PPIP5K1: variants seen among roughly 807,000 people sequenced by gnomAD.
PPIP5K1 encodes diphosphoinositol pentakisphosphate kinase 1, also known as inositol hexakisphosphate and diphosphoinositol-pentakisphosphate kinase 1.
Under a neutral mutation model 27.7 loss-of-function variants are expected in PPIP5K1, and 6 were observed. That is an observed-to-expected ratio of 0.22 (90% CI 0.12 to 0.43). The LOEUF is 0.43. PPIP5K1 is among the 20% of genes least tolerant of loss of function. PPIP5K1 has a pLI of 1.00. For missense variants in PPIP5K1, 394 were observed against 635.4 expected, an observed-to-expected ratio of 0.62 and a Z score of 4.08; for synonymous variants, 145 against 242.6, an observed-to-expected ratio of 0.60 and a Z score of 3.74.
At chr15:43,559,661 T>G (rs2083524806) in intron 29 of PPIP5K1, among the ~76,000 whole-genome samples, 1 of 152,072 alleles carries the variant, frequency 6.6e-6, no homozygotes. Context: ...AAAGAAAAAG[T>G]ACTGATTCTC....
chr15:43,543,702 T>C (rs1314827977), intron 30 of PPIP5K1, among the ~76,000 whole-genome samples: 1 of 152,054 alleles, frequency 6.6e-6, no homozygotes, highest in Non-Finnish European at 1.5e-5. Flanking sequence ...TAAAAGTCTT[T>C]TGAATTTATA....
At chr15:43,536,536 A>G (rs1282861533) in intron 31 of PPIP5K1, among the ~76,000 whole-genome samples, 9 of 152,164 alleles carry the variant, frequency 5.9e-5, no homozygotes, top group Non-Finnish European at 1.5e-5. Context: ...ACTAAGTCAG[A>G]TATCTTCCAG....
At chr15:43,543,020 G>A (rs2080957874) in intron 30 of PPIP5K1, among the ~76,000 whole-genome samples, 1 of 151,552 alleles carries the variant, frequency 6.6e-6, no homozygotes, top group Non-Finnish European at 1.5e-5. Context: ...TTGGTCACTG[G>A]GAGCCTCTTT....
At chr15:43,542,158 T>C (rs1325732290) in intron 30 of PPIP5K1, among the ~76,000 whole-genome samples, 1 of 152,228 alleles carries the variant, frequency 6.6e-6, no homozygotes, top group East Asian at 1.9e-4. Context: ...AATGGGACTA[T>C]TTGATTATAC....
chr15:43,539,610 A>T, intron 30 of PPIP5K1, 27 bp from the exon 31 acceptor site: 1 of 1,423,834 alleles, frequency 7.0e-7, no homozygotes, highest in Non-Finnish European at 9.8e-7. Flanking sequence ...GTGAAGGGAG[A>T]GGGAAGAAAA....
chr15:43,587,000 CTT>C (rs2085365654), intron 1 of PPIP5K1, among the ~76,000 whole-genome samples: 1 of 100,860 alleles, frequency 9.9e-6, no homozygotes. Flanking sequence ...TATCTTAAGA[CTT>C]TAACTTGAAC....
intron 31 of PPIP5K1, among the ~76,000 whole-genome samples, chr15:43,537,688 C>CAA (rs1229197125): frequency 6.5e-4 from 32 of 48,996 alleles, no homozygotes; most frequent in Admixed American, 1.2e-3. Context: ...GACTCCATCT[C>CAA]AAAAAAAAAA....
In PPIP5K1 at chr15:43,535,091, A is replaced by T; in HGVS notation, c.4056T>A (p.Asn1352Lys). ...ISQQCQENHD[N>K]GNHTCQEVPH... The stretch of plus-strand genomic sequence containing the variant: ...GGACCTCCTGGCATGTGTGGTTACC[A>T]TTGTCATGGTTCTCCTGGCATTGCT... The change falls in exon 32 of 32, where the codon AAT becomes AAA. Residue 1352 changes from asparagine (N) to lysine (K), a missense_variant. By Grantham distance (94) the Asn-to-Lys change is moderately conservative (BLOSUM62 0). Coordinates refer to ENST00000420765, the MANE Select transcript of PPIP5K1 (RefSeq NM_001394395.1). The T allele has an allele frequency of 6.2e-7, 1 of 1,613,062 alleles. No individual in the cohort carries two copies. Among genetic ancestry groups the T allele is most frequent in the Non-Finnish European group, 8.5e-7 (1 of 1,179,814 alleles).
chr15:43,544,961 G>A lies in PPIP5K1; in HGVS notation c.3557-5378C>T, dbSNP rs181024774. 1.9e-3 allele frequency among the ~76,000 whole-genome samples: 284 copies of A among 152,202 alleles called. 2 individuals are homozygous for A. Among genetic ancestry groups the A allele is most frequent in the African/African-American group, 6.4e-3 (264 of 41,536 alleles). On this transcript the variant is annotated intron_variant, in intron 30 of 31. Transcript: ENST00000420765. The stretch of plus-strand genomic sequence containing the variant: ...TGGGAGGCAGAGGTGGGCAGATCAC[G>A]AGGTCAGGAGATCGAGACCATCCTG...
chr15:43,535,419 A>C lies in PPIP5K1; in HGVS notation c.3728T>G (p.Val1243Gly), dbSNP rs974040461. The C allele has an allele frequency of 4.3e-6, 7 of 1,612,900 alleles. No individual in the cohort carries two copies. In the African/African-American group the frequency reaches 8.0e-5, roughly 18 times the overall value. Residue 1243 changes from valine to glycine, a missense_variant, in exon 32 of 32, where the codon GTA becomes GGA. Physicochemically the swap from Val to Gly is moderately radical, Grantham distance 109. This residue lies in a region of PPIP5K1 where 379 missense variants were observed against 423.9 expected (regional missense o/e 0.89). Coordinates refer to ENST00000420765, the MANE Select transcript of PPIP5K1 (RefSeq NM_001394395.1). ...SSAGPSSPTTVDGNSQFGFSD... is the reference protein window; with the variant it reads ...SSAGPSSPTTGDGNSQFGFSD... The stretch of plus-strand genomic sequence containing the variant: ...GAAGCCAAATTGGGAGTTACCATCT[A>C]CTGTAGTAGGGGAAGAAGGACCAGC...
chr15:43,542,510 C>T (rs572918965), intron 30 of PPIP5K1, among the ~76,000 whole-genome samples: 3 of 150,088 alleles, frequency 2.0e-5, no homozygotes, highest in Admixed American at 2.0e-4. Context: ...AGGCTGGTCT[C>T]GAACTCCTGA....
At chr15:43,537,277 G>A (rs1279769990) in intron 31 of PPIP5K1, 5 of 196,116 alleles carry the variant, frequency 2.5e-5, no homozygotes, top group South Asian at 1.4e-4. Flanking sequence ...CCCAGGAGGC[G>A]GAGGTTGCAG....
intron 29 of PPIP5K1, among the ~76,000 whole-genome samples, chr15:43,559,136 A>G (rs770261720): frequency 1.4e-4 from 21 of 152,186 alleles, no homozygotes; most frequent in Non-Finnish European, 2.8e-4. Context: ...TAAAACATCT[A>G]CCTGCTAAGG....
intron 31 of PPIP5K1, among the ~76,000 whole-genome samples, chr15:43,538,064 G>C (rs2080148306): frequency 6.6e-6 from 1 of 152,116 alleles, no homozygotes; most frequent in Non-Finnish European, 1.5e-5. Context: ...CCTACAAAGA[G>C]TGTAGGATAA....
At chr15:43,557,688 A>G (rs2470134) in intron 30 of PPIP5K1, among the ~76,000 whole-genome samples, 119,675 of 151,382 alleles carry the variant, frequency 0.79, 49,170 homozygotes, top group Non-Finnish European at 0.91. Flanking sequence ...TTTTGTGGTA[A>G]CATCTTGCTC....
chr15:43,553,839 G>A (rs2082571717), intron 30 of PPIP5K1, among the ~76,000 whole-genome samples: 1 of 151,720 alleles, frequency 6.6e-6, no homozygotes, highest in Non-Finnish European at 1.5e-5. Flanking sequence ...TAGAGATGGA[G>A]TTTCACCATG....
In PPIP5K1 at chr15:43,539,581, G is replaced by A. The variant is rs1373200986; in HGVS notation, c.3559C>T (p.Leu1187Phe). ...TDAQAQASAA[L>F]FDSMHSSQAS... is the part of the protein sequence containing the mutation. Reference sequence around the variant, plus strand: ...TGGCTGCTGTGCATGGAATCAAAGAGGGCTGGAAAGGAGGTAGGGTGAAGG... The same window carrying A: ...TGGCTGCTGTGCATGGAATCAAAGAAGGCTGGAAAGGAGGTAGGGTGAAGG... The change falls in exon 31 of 32, where the codon CTC (leucine) becomes TTC (phenylalanine). Residue 1187 changes from leucine (L) to phenylalanine (F), a missense_variant and splice_region_variant. Leu to Phe is a conservative substitution (Grantham distance 22). This residue lies in a region of PPIP5K1 where 379 missense variants were observed against 423.9 expected (regional missense o/e 0.89). Transcript: ENST00000420765. 6.4e-7 allele frequency: 1 copy of A among 1,571,286 alleles called. No individual in the cohort carries two copies. The highest frequency in any genetic ancestry group is 8.7e-7 in the Non-Finnish European group (1 of 1,145,040).
intron 31 of PPIP5K1, among the ~76,000 whole-genome samples, chr15:43,537,168 C>G (rs2079974223): frequency 1.3e-5 from 2 of 150,826 alleles, no homozygotes; most frequent in South Asian, 4.2e-4. Flanking sequence ...AACTCCTCCT[C>G]TACTAAAAAT....
intron 30 of PPIP5K1, among the ~76,000 whole-genome samples, chr15:43,544,463 G>T (rs377100332): frequency 6.5e-4 from 99 of 152,086 alleles, no homozygotes; most frequent in African/African-American, 2.3e-3. Context: ...CCAATATTTT[G>T]CCACTTTAAA....
Sources: gnomAD v4.1 joint callset for allele counts (sites outside exome capture counted in the v4.1 genomes callset) on GRCh38, gnomAD v4.1.1 for gene constraint, gnomAD v4.1.1 regional missense constraint, MANE v1.5 for transcripts, NCBI Gene and HGNC (gene_info 2026-07-23, HGNC 2026-07-21) for gene names.